Variants in HS3ST3A1 observed in about 807,000 individuals in gnomAD.
The protein encoded by HS3ST3A1 is heparan sulfate glucosamine 3-O-sulfotransferase 3A1.
HS3ST3A1 carries 19 observed loss-of-function variants against 25.7 expected under a neutral mutation model. The observed-to-expected ratio is 0.74, with a 90% confidence interval of 0.52 to 1.08. The LOEUF is 1.08. Ranked by LOEUF, HS3ST3A1 falls within the 50% of genes least tolerant of loss-of-function variation. The pLI is 0.00. For synonymous variants in HS3ST3A1, 226 were observed against 278.6 expected (o/e 0.81, Z 1.88); for missense variants, 459 against 594.3 (o/e 0.77, Z 2.37).
intron 1 of HS3ST3A1, among the ~76,000 whole-genome samples, chr17:13,572,701 C>T (rs1036045974): frequency 1.3e-5 from 2 of 152,154 alleles, no homozygotes; most frequent in African/African-American, 4.8e-5. Context: ...CACACCCATG[C>T]TTTTATTTTA....
chr17:13,540,991 G>C (rs1197515434), intron 1 of HS3ST3A1, among the ~76,000 whole-genome samples: 1 of 152,162 alleles, frequency 6.6e-6, no homozygotes, highest in Admixed American at 6.5e-5. Flanking sequence ...TGTAAATCCT[G>C]CTAAATCTAT....
intron 1 of HS3ST3A1, among the ~76,000 whole-genome samples, chr17:13,576,815 A>C (rs1414885604): frequency 1.3e-5 from 2 of 152,170 alleles, no homozygotes; most frequent in Non-Finnish European, 2.9e-5. Flanking sequence ...TTAACCAATA[A>C]ACCGGATGGT....
At chr17:13,505,414 G>A (rs993426784) in intron 1 of HS3ST3A1, among the ~76,000 whole-genome samples, 4 of 152,124 alleles carry the variant, frequency 2.6e-5, no homozygotes, top group South Asian at 2.1e-4. Flanking sequence ...CTTGATTAAC[G>A]TCAGTGATAT....
intron 1 of HS3ST3A1, among the ~76,000 whole-genome samples, chr17:13,585,645 C>G (rs1287568605): frequency 6.6e-6 from 1 of 151,828 alleles, no homozygotes; most frequent in Non-Finnish European, 1.5e-5. Context: ...ACCAGTAGGA[C>G]TCGGAAGACC....
intron 1 of HS3ST3A1, among the ~76,000 whole-genome samples, chr17:13,564,718 C>CT (rs1907633220): frequency 1.1e-4 from 14 of 123,152 alleles, no homozygotes; most frequent in Non-Finnish European, 1.5e-4. Flanking sequence ...GGACTTCTTT[C>CT]CTTTTTTTTT....
intron 1 of HS3ST3A1, among the ~76,000 whole-genome samples, chr17:13,560,161 A>T (rs1907493288): frequency 6.6e-6 from 1 of 151,250 alleles, no homozygotes. Flanking sequence ...ATGGTGGCAC[A>T]TGCCTGTAAT....
At chr17:13,554,161 C>A (rs910519238) in intron 1 of HS3ST3A1, among the ~76,000 whole-genome samples, 1 of 151,972 alleles carries the variant, frequency 6.6e-6, no homozygotes. Flanking sequence ...TACCTTTTTT[C>A]TGAGAGTTTC....
At chr17:13,528,355 G>A (rs1187622186) in intron 1 of HS3ST3A1, among the ~76,000 whole-genome samples, 1 of 152,236 alleles carries the variant, frequency 6.6e-6, no homozygotes, top group Non-Finnish European at 1.5e-5. Context: ...TGTGTGACGT[G>A]TGGGCAGCCG....
chr17:13,567,136 A>C (rs1907695189), intron 1 of HS3ST3A1, among the ~76,000 whole-genome samples: 1 of 152,202 alleles, frequency 6.6e-6, no homozygotes, highest in Admixed American at 6.5e-5. Context: ...CTCATTTGCC[A>C]TTTCAAAAGT....
At chr17:13,510,856 C>G (rs1297682263) in intron 1 of HS3ST3A1, among the ~76,000 whole-genome samples, 1 of 152,192 alleles carries the variant, frequency 6.6e-6, no homozygotes, top group African/African-American at 2.4e-5. Context: ...AGGCACCCAC[C>G]ACCATGTCCT....
intron 1 of HS3ST3A1, among the ~76,000 whole-genome samples, chr17:13,550,548 A>G (rs1907210332): frequency 6.6e-6 from 1 of 152,192 alleles, no homozygotes; most frequent in East Asian, 1.9e-4. Context: ...CTTGGAGCTG[A>G]GTCACCTGAC....
intron 1 of HS3ST3A1, among the ~76,000 whole-genome samples, chr17:13,589,373 A>G (rs542563313): frequency 3.9e-5 from 6 of 152,276 alleles, no homozygotes; most frequent in Admixed American, 3.9e-4. Flanking sequence ...TTGTCATCAC[A>G]AGCTTTAGCT....
intron 1 of HS3ST3A1, among the ~76,000 whole-genome samples, chr17:13,586,071 TCTC>T (rs935572736): frequency 9.2e-5 from 14 of 151,558 alleles, no homozygotes; most frequent in African/African-American, 3.1e-4. Context: ...ATGGTCTTAA[TCTC>T]CTGACCTCAT....
chr17:13,577,545 C>A (rs9891162), intron 1 of HS3ST3A1, among the ~76,000 whole-genome samples: 1 of 151,978 alleles, frequency 6.6e-6, no homozygotes, highest in South Asian at 2.1e-4. Flanking sequence ...AACAGTCATA[C>A]CCACAAGCTT....
rs780752492 is a variant in HS3ST3A1 at position 13,601,131 on chromosome 17, C to T, written c.-2G>A. On this transcript the variant is annotated 5_prime_UTR_variant, in exon 1 of 2. An upstream open reading frame in the 5' UTR loses its in-frame stop. Transcript: ENST00000284110. The stretch of plus-strand genomic sequence containing the variant: ...ACTGGCCGGGCCCGGAGGGGCCATC[C>T]TAGCCGGAGGCGACGTCGGGCAACG... 3 of 1,533,854 alleles carry T rather than the reference C, an allele frequency of 2.0e-6. No individual in the cohort carries two copies. The highest frequency in any genetic ancestry group is 2.6e-6 in the Non-Finnish European group (3 of 1,143,746).
chr17:13,521,777 C>A (rs971054951), intron 1 of HS3ST3A1, among the ~76,000 whole-genome samples: 5 of 152,138 alleles, frequency 3.3e-5, no homozygotes, highest in Admixed American at 3.3e-4. Flanking sequence ...TTCTTGGTAA[C>A]CCTAGGATTG....
At chr17:13,582,840 C>T (rs1399512417) in intron 1 of HS3ST3A1, among the ~76,000 whole-genome samples, 1 of 152,174 alleles carries the variant, frequency 6.6e-6, no homozygotes. Context: ...TACAGAGTAA[C>T]CTCTGGCAGG....
intron 1 of HS3ST3A1, among the ~76,000 whole-genome samples, chr17:13,542,850 C>A (rs1412820875): frequency 6.6e-6 from 1 of 152,100 alleles, no homozygotes; most frequent in Non-Finnish European, 1.5e-5. Context: ...CACACACACA[C>A]CTCTGGGGTG....
intron 1 of HS3ST3A1, among the ~76,000 whole-genome samples, chr17:13,599,406 T>C (rs954322555): frequency 1.3e-5 from 2 of 152,214 alleles, no homozygotes; most frequent in African/African-American, 2.4e-5. Context: ...TCAAATCATA[T>C]CCATTTCTGT....
Sources: gnomAD v4.1 joint callset for allele counts (sites outside exome capture counted in the v4.1 genomes callset) on GRCh38, gnomAD v4.1.1 for gene constraint, MANE v1.5 for transcripts, NCBI Gene and HGNC (gene_info 2026-07-23, HGNC 2026-07-21) for gene names.